The following RBFOX1 variants were observed in gnomAD, a reference collection of about 807,000 sequenced individuals.
RBFOX1 encodes the protein RNA binding protein fox-1 homolog 1.
RBFOX1 carries 8 observed loss-of-function variants against 57.7 expected under a neutral mutation model. That is an observed-to-expected ratio of 0.14 (90% CI 0.08 to 0.25). The LOEUF is 0.25. RBFOX1 is among the 10% of genes least tolerant of loss of function. The probability of loss-of-function intolerance (pLI) is 1.00; values close to 1 mark genes in which losing one functional copy is unlikely to be tolerated. For missense variants in RBFOX1, 611 were observed against 548.5 expected (o/e 1.11, Z -1.14); for synonymous variants, 326 against 222.4 (o/e 1.47, Z -4.15).
intron 1 of RBFOX1, among the ~76,000 whole-genome samples, chr16:5,298,469 C>T (rs1480211543): frequency 5.9e-5 from 4 of 68,098 alleles, no homozygotes; most frequent in Admixed American, 5.2e-4. Flanking sequence ...CCCCTCCCTT[C>T]CCCTTCCCCT....
At chr16:5,856,195 A>ATATATATACATATATATG (rs1567630880) in intron 3 of RBFOX1, among the ~76,000 whole-genome samples, 7 of 60,242 alleles carry the variant, frequency 1.2e-4, no homozygotes, top group Admixed American at 9.5e-4. Flanking sequence ...CTCTATATAT[A>ATATATATACATATATATG]TATATATATA....
chr16:5,938,842 G>T (rs1342833418), intron 4 of RBFOX1, among the ~76,000 whole-genome samples: 1 of 152,060 alleles, frequency 6.6e-6, no homozygotes, highest in Non-Finnish European at 1.5e-5. Flanking sequence ...CCAAATTGCT[G>T]ATTCATTAGT....
At chr16:5,790,306 A>C (rs11864270) in intron 3 of RBFOX1, among the ~76,000 whole-genome samples, 46,345 of 151,946 alleles carry the variant, frequency 0.31, 7,422 homozygotes, top group East Asian at 0.54. Flanking sequence ...CAAGAATGAC[A>C]CGTATATGGG....
intron 4 of RBFOX1, among the ~76,000 whole-genome samples, chr16:7,491,483 C>T (rs760258235): frequency 2.6e-5 from 4 of 151,404 alleles, no homozygotes; most frequent in Admixed American, 6.6e-5. Context: ...TGATGTGATC[C>T]CTCTGATTTT....
intron 1 of RBFOX1, among the ~76,000 whole-genome samples, chr16:5,383,956 A>G (rs2066194332): frequency 6.6e-6 from 1 of 152,170 alleles, no homozygotes; most frequent in Admixed American, 6.5e-5. Flanking sequence ...TTCTTTGCCT[A>G]TTCTGCATTC....
chr16:6,263,309 C>G (rs997481836), intron 1 of RBFOX1, among the ~76,000 whole-genome samples: 1 of 152,118 alleles, frequency 6.6e-6, no homozygotes, highest in Non-Finnish European at 1.5e-5. Flanking sequence ...TGAATTTGAG[C>G]ATTGAGAATT....
intron 2 of RBFOX1, among the ~76,000 whole-genome samples, chr16:6,391,118 C>T (rs767707270): frequency 1.3e-5 from 2 of 152,172 alleles, no homozygotes; most frequent in East Asian, 1.9e-4. Flanking sequence ...GACAAAATCT[C>T]CCTTGGTTGA....
chr16:5,423,333 C>CA (rs1008460774), intron 1 of RBFOX1, among the ~76,000 whole-genome samples: 8 of 152,248 alleles, frequency 5.3e-5, no homozygotes, highest in Non-Finnish European at 1.2e-4. Context: ...TTCACCTGCA[C>CA]ATATTTGTGT....
intron 10 of RBFOX1, among the ~76,000 whole-genome samples, chr16:7,617,615 C>T (rs1306352939): frequency 6.6e-6 from 1 of 152,014 alleles, no homozygotes; most frequent in African/African-American, 2.4e-5. Context: ...AGGGAAGGGC[C>T]AAAGAGACAG....
At chr16:6,234,407 TA>T (rs2097489417) in intron 1 of RBFOX1, among the ~76,000 whole-genome samples, 1 of 152,200 alleles carries the variant, frequency 6.6e-6, no homozygotes, top group Non-Finnish European at 1.5e-5. Flanking sequence ...CCCATGAGGA[TA>T]GGGGCTATTT....
chr16:7,438,353 G>A (rs779528191), intron 4 of RBFOX1, among the ~76,000 whole-genome samples: 1 of 152,046 alleles, frequency 6.6e-6, no homozygotes, highest in Non-Finnish European at 1.5e-5. Context: ...TCCATGGTTT[G>A]GGTCCTCTGG....
intron 3 of RBFOX1, among the ~76,000 whole-genome samples, chr16:6,821,371 G>C (rs1292871625): frequency 6.6e-6 from 1 of 152,108 alleles, no homozygotes; most frequent in African/African-American, 2.4e-5. Flanking sequence ...CTTTGATACT[G>C]TTTTATTTTA....
chr16:6,477,220 C>G (rs2095287587), intron 2 of RBFOX1, among the ~76,000 whole-genome samples: 1 of 152,168 alleles, frequency 6.6e-6, no homozygotes, highest in South Asian at 2.1e-4. Context: ...AATGGCATCT[C>G]AAAAGCGAAT....
intron 1 of RBFOX1, among the ~76,000 whole-genome samples, chr16:5,399,225 C>T (rs1426630707): frequency 6.6e-6 from 1 of 152,232 alleles, no homozygotes; most frequent in Admixed American, 6.5e-5. Flanking sequence ...GTGATAATGC[C>T]CAGTAATCAT....
At chr16:6,145,083 A>G (rs2096747501) in intron 1 of RBFOX1, among the ~76,000 whole-genome samples, 1 of 151,908 alleles carries the variant, frequency 6.6e-6, no homozygotes. Flanking sequence ...GGTTTGTTAC[A>G]CAGGTAAACT....
At chr16:6,570,241 T>G (rs1053475890) in intron 2 of RBFOX1, among the ~76,000 whole-genome samples, 1 of 152,222 alleles carries the variant, frequency 6.6e-6, no homozygotes, top group Non-Finnish European at 1.5e-5. Context: ...TTATACCCAT[T>G]GTGTATTGTT....
intron 4 of RBFOX1, among the ~76,000 whole-genome samples, chr16:7,275,570 G>T (rs2095424640): frequency 6.6e-6 from 1 of 152,192 alleles, no homozygotes; most frequent in African/African-American, 2.4e-5. Flanking sequence ...CTTCTTTAGT[G>T]AAAGATTACC....
At chr16:6,975,773 G>C (rs151043604) in intron 3 of RBFOX1, among the ~76,000 whole-genome samples, 2 of 152,104 alleles carry the variant, frequency 1.3e-5, no homozygotes, top group African/African-American at 2.4e-5. Flanking sequence ...AAGTGTACTT[G>C]GTGGGTAATT....
At position 6,252,652 on chromosome 16, in the gene RBFOX1, A is replaced by G. The variant is rs571995748; in HGVS notation, c.-126-64343A>G. ...TTTGTTTTGTTTTTGGTAAACTTCC[A>G]TTCATGACTGTGTACAGCCAGAAGC... is the stretch of plus-strand genomic sequence containing the variant. On this transcript the variant is annotated intron_variant, in intron 1 of 15. Coordinates refer to ENST00000550418, the MANE Select transcript of RBFOX1 (RefSeq NM_018723.4). Among the ~76,000 whole-genome samples, 3 of 152,044 alleles carry G rather than the reference A, an allele frequency of 2.0e-5. No individual in the cohort carries two copies. In the East Asian group the frequency reaches 5.8e-4, roughly 29 times the overall value.
Sources: gnomAD v4.1 joint callset for allele counts (sites outside exome capture counted in the v4.1 genomes callset) on GRCh38, gnomAD v4.1.1 for gene constraint, MANE v1.5 for transcripts, NCBI Gene and HGNC (gene_info 2026-07-23, HGNC 2026-07-21) for gene names.